The following MYO1B variants were observed in gnomAD, a reference collection of about 807,000 sequenced individuals.
MYO1B encodes unconventional myosin-Ib.
In MYO1B, 72 loss-of-function variants were observed where a neutral mutation model predicts 159.7. The observed-to-expected ratio is 0.45, with a 90% CI of 0.37 to 0.55. MYO1B has a LOEUF of 0.55. Among genes scored for constraint, MYO1B ranks in the 20% least tolerant of loss-of-function variants. The pLI, the probability that MYO1B is intolerant of heterozygous loss-of-function variation, is 0.00. For missense variants in MYO1B, 1,062 were observed against 1,364.8 expected (o/e 0.78, Z 3.50); for synonymous variants, 468 against 473.8 (o/e 0.99, Z 0.16).
At chr2:191,341,093 A>G (rs920938104) in intron 4 of MYO1B, among the ~76,000 whole-genome samples, 2 of 152,180 alleles carry the variant, frequency 1.3e-5, no homozygotes, top group African/African-American at 4.8e-5. Context: ...AACTTTAAAA[A>G]TACGTTTGGT....
At chr2:191,283,383 C>T (rs1282901374) in intron 2 of MYO1B, among the ~76,000 whole-genome samples, 1 of 152,184 alleles carries the variant, frequency 6.6e-6, no homozygotes, top group Non-Finnish European at 1.5e-5. Flanking sequence ...TATGGTAGCA[C>T]TAAGAAGCAA....
At chr2:191,277,196 A>G (rs1382194107) in intron 2 of MYO1B, among the ~76,000 whole-genome samples, 166 bp downstream of exon 2, 1 of 152,134 alleles carries the variant, frequency 6.6e-6, no homozygotes, top group Non-Finnish European at 1.5e-5. Context: ...TTAGCCCATG[A>G]GTAATGTGGG....
intron 30 of MYO1B, among the ~76,000 whole-genome samples, chr2:191,423,375 A>G (rs1559256756): frequency 6.6e-6 from 1 of 152,348 alleles, no homozygotes; most frequent in East Asian, 1.9e-4. Flanking sequence ...GTACGACTGT[A>G]TAGGCCAGCT....
chr2:191,373,139 C>T (rs776249328), intron 13 of MYO1B, among the ~76,000 whole-genome samples: 15 of 152,172 alleles, frequency 9.9e-5, no homozygotes, highest in South Asian at 2.1e-4. Flanking sequence ...CATGAGCCAC[C>T]GCGCCGGCCT....
At chr2:191,363,596 A>G in intron 9 of MYO1B, 132 bp from the exon 10 acceptor site, 1 of 1,234,630 alleles carries the variant, frequency 8.1e-7, no homozygotes, top group Non-Finnish European at 1.1e-6. Flanking sequence ...TCACAGTTGG[A>G]AACCACTGAA....
chr2:191,346,231 A>T lies in MYO1B; in HGVS notation c.452-5A>T, dbSNP rs761149803. 2 of 1,561,864 alleles carry T rather than the reference A, an allele frequency of 1.3e-6. No individual in the cohort carries two copies. Among genetic ancestry groups the T allele is most frequent in the Admixed American group, 1.9e-5 (1 of 53,216 alleles). On this transcript the variant is annotated splice_region_variant and splice_polypyrimidine_tract_variant and intron_variant, in intron 5 of 30. Transcript: ENST00000392318. ...TTAACCATACATCTGTTTCTTTCCT[A>T]CTAGCTTTTGGAAATGCCAAAACTG...
At chr2:191,290,866 G>A (rs991858084) in intron 2 of MYO1B, among the ~76,000 whole-genome samples, 4 of 152,160 alleles carry the variant, frequency 2.6e-5, no homozygotes, top group African/African-American at 9.7e-5. Context: ...TATTTAAAGG[G>A]GAAGGTGAAA....
chr2:191,278,113 A>G lies in MYO1B; in HGVS notation c.135+1083A>G, dbSNP rs76489625. On this transcript the variant is annotated intron_variant, in intron 2 of 30. Coordinates refer to ENST00000392318, the MANE Select transcript of MYO1B (RefSeq NM_001130158.3). ...CTTTATCTGTTGGAGCTGCGATACC[A>G]AAATACCATAAACTAGGTGGCTTAT... Among the ~76,000 whole-genome samples, 389 of 152,344 alleles carry G rather than the reference A, an allele frequency of 2.6e-3. 3 individuals are homozygous for G. The highest frequency in any genetic ancestry group is 9.0e-3 in the African/African-American group (374 of 41,584).
intron 3 of MYO1B, among the ~76,000 whole-genome samples, chr2:191,314,664 C>T (rs1158239194): frequency 6.6e-6 from 1 of 152,158 alleles, no homozygotes; most frequent in African/African-American, 2.4e-5. Flanking sequence ...TCAGTTTCCC[C>T]TATATTCAAG....
At chr2:191,296,964 CTTT>C (rs1222442535) in intron 3 of MYO1B, among the ~76,000 whole-genome samples, 1 of 152,162 alleles carries the variant, frequency 6.6e-6, no homozygotes, top group African/African-American at 2.4e-5. Flanking sequence ...AACCCTAGAA[CTTT>C]TATTCCTCCA....
intron 20 of MYO1B, among the ~76,000 whole-genome samples, chr2:191,394,288 T>C (rs986210055): frequency 6.6e-6 from 1 of 152,210 alleles, no homozygotes. Flanking sequence ...GAGTCTCCTC[T>C]GTACACATAG....
chr2:191,257,522 A>G (rs1225084929), intron 1 of MYO1B, among the ~76,000 whole-genome samples: 1 of 152,212 alleles, frequency 6.6e-6, no homozygotes, highest in African/African-American at 2.4e-5. Flanking sequence ...TCAAAAGCCC[A>G]TTGATTTTAA....
intron 2 of MYO1B, among the ~76,000 whole-genome samples, chr2:191,288,926 C>T (rs1030162950): frequency 8.5e-5 from 13 of 152,166 alleles, no homozygotes; most frequent in Admixed American, 3.3e-4. Flanking sequence ...GAGATGCAGA[C>T]GACTCCTATA....
At chr2:191,292,413 C>G (rs574514719) in intron 2 of MYO1B, among the ~76,000 whole-genome samples, 1 of 152,172 alleles carries the variant, frequency 6.6e-6, no homozygotes, top group South Asian at 2.1e-4. Context: ...TAGAACAGCT[C>G]GAAGCAGTGA....
Position 191,408,198 on chromosome 2 carries a change from A to T in MYO1B, c.2631+9A>T, listed in dbSNP as rs767384751. 25 of 1,598,362 alleles carry T rather than the reference A, an allele frequency of 1.6e-5. No homozygotes were observed. In the South Asian group the frequency reaches 2.6e-4, roughly 17 times the overall value. Reference sequence around the variant, plus strand: ...TTACGCTTCAGAGAATTGTAAGTTGACACTTTATATCTGTGGATAATCAGC... The same window carrying T: ...TTACGCTTCAGAGAATTGTAAGTTGTCACTTTATATCTGTGGATAATCAGC... On this transcript the variant is annotated intron_variant, in intron 25 of 30. Coordinates refer to ENST00000392318, the MANE Select transcript of MYO1B (RefSeq NM_001130158.3).
chr2:191,371,351 T>A (rs1201102279), intron 13 of MYO1B, among the ~76,000 whole-genome samples: 1 of 152,150 alleles, frequency 6.6e-6, no homozygotes, highest in Non-Finnish European at 1.5e-5. Flanking sequence ...AGCACATGCC[T>A]TTTTCTTAGT....
At chr2:191,366,209 T>C (rs1251603963) in intron 11 of MYO1B, among the ~76,000 whole-genome samples, 1 of 152,130 alleles carries the variant, frequency 6.6e-6, no homozygotes, top group Non-Finnish European at 1.5e-5. Flanking sequence ...AAATTGTGTG[T>C]TTTACTCTTG....
chr2:191,296,575 TG>T (rs1688998382), intron 3 of MYO1B, among the ~76,000 whole-genome samples: 1 of 152,220 alleles, frequency 6.6e-6, no homozygotes, highest in South Asian at 2.1e-4. Flanking sequence ...ATAGTGTTGT[TG>T]GGCCAAGAAA....
chr2:191,321,724 G>A (rs950039551), intron 3 of MYO1B, among the ~76,000 whole-genome samples: 2 of 152,066 alleles, frequency 1.3e-5, no homozygotes, highest in Admixed American at 6.5e-5. Flanking sequence ...CATGACATGC[G>A]TCTCTCAGTA....
Sources: gnomAD v4.1 joint callset for allele counts (sites outside exome capture counted in the v4.1 genomes callset) on GRCh38, gnomAD v4.1.1 for gene constraint, MANE v1.5 for transcripts, NCBI Gene and HGNC (gene_info 2026-07-23, HGNC 2026-07-21) for gene names.